Variants in ONECUT3 observed in about 807,000 individuals in gnomAD.
ONECUT3 encodes one cut homeobox 3, also known as one cut domain family member 3.
Under a neutral mutation model 16.8 loss-of-function variants are expected in ONECUT3, and 11 were observed. The observed-to-expected ratio is 0.66, with a 90% CI of 0.41 to 1.09. The LOEUF is 1.09. Ranked by LOEUF, ONECUT3 falls within the 50% of genes least tolerant of loss-of-function variation. The pLI is 0.00. For missense variants in ONECUT3, 637 were observed against 629.9 expected (o/e 1.01, Z -0.12); for synonymous variants, 344 against 310.7 (o/e 1.11, Z -1.13).
At position 1,778,851 on chromosome 19, in the gene ONECUT3, T is replaced by A. The variant is rs548610959; in HGVS notation, c.*3406T>A. The stretch of plus-strand genomic sequence containing the variant: ...GTGGCCCAGGACTCCTGGATCCTTT[T>A]CAGATATCTTCGTATCACACACACA... On this transcript the variant is annotated 3_prime_UTR_variant, in exon 2 of 2. Coordinates refer to ENST00000382349, the MANE Select transcript of ONECUT3 (RefSeq NM_001080488.2). The A allele has an allele frequency of 6.9e-6, 1 of 145,526 alleles. No individual in the cohort carries two copies. Among genetic ancestry groups the A allele is most frequent in the East Asian group, 2.0e-4 (1 of 4,926 alleles). The allele number at this position is 145,526 out of a possible 1,614,324, so 9.0% of individuals were successfully genotyped here.
At chr19:1,769,185 A>C (rs1440242093) in intron 1 of ONECUT3, among the ~76,000 whole-genome samples, 1 of 141,850 alleles carries the variant, frequency 7.0e-6, no homozygotes, top group Admixed American at 7.0e-5. Context: ...CTGGAGGTGG[A>C]GGTGATGGAG....
At position 1,778,015 on chromosome 19, in the gene ONECUT3, A is replaced by AAAAAAAAAAC. The variant is rs1555801681; in HGVS notation, c.*2573_*2574insAAAAAACAAA. 2 of 144,770 alleles carry AAAAAAAAAAC rather than the reference A, an allele frequency of 1.4e-5. No individual in the cohort carries two copies. The highest frequency in any genetic ancestry group is 2.2e-4 in the South Asian group (1 of 4,498). The allele number at this position is 144,770 out of a possible 1,614,324, so 9.0% of individuals were successfully genotyped here. On this transcript the variant is annotated 3_prime_UTR_variant, in exon 2 of 2. Coordinates refer to ENST00000382349, the MANE Select transcript of ONECUT3 (RefSeq NM_001080488.2). ...CCTCTCAAAAAAAAAAAAAAAAAAA[A>AAAAAAAAAAC]AAACTTTAGGTCCAAGAAGATGCAC...
Position 1,753,811 on chromosome 19 carries a change from T to C in ONECUT3, c.149T>C (p.Met50Thr), listed in dbSNP as rs2067901167. The C allele has an allele frequency of 2.1e-6, 2 of 961,318 alleles. No homozygotes were observed. Among genetic ancestry groups the C allele is most frequent in the African/African-American group, 3.6e-5 (2 of 54,878 alleles). The allele number at this position is 961,318 out of a possible 1,614,324, so 59.5% of individuals were successfully genotyped here. The change falls in exon 1 of 2, where the codon ATG becomes ACG. Residue 50 changes from methionine to threonine, a missense_variant. By Grantham distance (81) the Met-to-Thr change is moderately conservative. Around this residue, in one of 3 missense-constraint regions of ONECUT3, gnomAD observed 419 missense variants for 377.9 expected, o/e 1.11. Coordinates refer to ENST00000382349, the MANE Select transcript of ONECUT3 (RefSeq NM_001080488.2). ...APGRPGLVAG[M>T]ASLLDGGGGG... ...GGGCGCCCGGGCCTGGTGGCCGGCATGGCGAGCCTGCTGGACGGCGGCGGC... is the reference window on the plus strand; with the variant it reads ...GGGCGCCCGGGCCTGGTGGCCGGCACGGCGAGCCTGCTGGACGGCGGCGGC...
intron 1 of ONECUT3, among the ~76,000 whole-genome samples, chr19:1,774,378 C>T (rs2068084898): frequency 1.3e-5 from 2 of 150,724 alleles, no homozygotes; most frequent in Non-Finnish European, 2.9e-5. Context: ...GCCAGGCGTT[C>T]GAGACCAGCC....
At chr19:1,775,132 C>CCCCCCCCCCCCCCCG in intron 1 of ONECUT3, 21 bp from the exon 2 acceptor site, 1 of 1,269,082 alleles carries the variant, frequency 7.9e-7, no homozygotes, top group Non-Finnish European at 1.1e-6. Flanking sequence ...GCTCGCCCGC[C>CCCCCCCCCCCCCCCG]CGCCCGCCGC....
Position 1,755,243 on chromosome 19 carries a change from C to T in ONECUT3, c.1192+389C>T, listed in dbSNP as rs1458643965. 6.6e-6 allele frequency among the ~76,000 whole-genome samples: 1 copy of T among 151,762 alleles called. No homozygotes were observed. Among genetic ancestry groups the T allele is most frequent in the South Asian group, 2.1e-4 (1 of 4,814 alleles). On this transcript the variant is annotated intron_variant, in intron 1 of 1. Transcript: ENST00000382349. The surrounding 1 kb of genome is among the most constrained non-coding windows in gnomAD (Gnocchi z 7.5). ...TGTTGGGGGGAGCTGTGTCCCCGAA[C>T]GAGCTGCTGTTGTCGGCTAAGGTGC...
Position 1,758,273 on chromosome 19 carries a change from G to A in ONECUT3, c.1192+3419G>A, listed in dbSNP as rs151010145. Among the ~76,000 whole-genome samples, 2 of 147,170 alleles carry A rather than the reference G, an allele frequency of 1.4e-5. No homozygotes were observed. The highest frequency in any genetic ancestry group is 5.1e-5 in the African/African-American group (2 of 39,452). On this transcript the variant is annotated intron_variant, in intron 1 of 1. Coordinates refer to ENST00000382349, the MANE Select transcript of ONECUT3 (RefSeq NM_001080488.2). This position sits in a 1 kb window ranked among gnomAD's most constrained non-coding sequence, Gnocchi z 5.9. ...AGCCCAGAAAGGAACAGAGGTGAAG[G>A]AGAGACGAAAAGAGAGGCAGAGAGA...
Position 1,753,566 on chromosome 19 carries a change from C to A in ONECUT3, c.-97C>A. ...CGTGCGCCGCGCAGCCTGGCAGCCT[C>A]GCGCGCAGCCACCGGGGAGCGGGCG... On this transcript the variant is annotated 5_prime_UTR_variant, in exon 1 of 2. Coordinates refer to ENST00000382349, the MANE Select transcript of ONECUT3 (RefSeq NM_001080488.2). 1 of 372,508 alleles carries A rather than the reference C, an allele frequency of 2.7e-6. No individual in the cohort carries two copies. Among genetic ancestry groups the A allele is most frequent in the Non-Finnish European group, 3.8e-6 (1 of 265,028 alleles). The allele number at this position is 372,508 out of a possible 1,614,324, so 23.1% of individuals were successfully genotyped here.
intron 1 of ONECUT3, among the ~76,000 whole-genome samples, chr19:1,773,587 C>T (rs529963311): frequency 2.6e-5 from 4 of 152,292 alleles, no homozygotes; most frequent in Admixed American, 1.3e-4. Context: ...TAGGCCACGA[C>T]GGCTGGCACA....
At position 1,754,404 on chromosome 19, in the gene ONECUT3, C is replaced by T; in HGVS notation, c.742C>T (p.His248Tyr). The change falls in exon 1 of 2, where the codon CAC becomes TAC. Residue 248 changes from histidine to tyrosine, a missense_variant. His to Tyr is a moderately conservative substitution (Grantham distance 83, BLOSUM62 2). This residue lies in a region of ONECUT3 where 419 missense variants were observed against 377.9 expected (regional missense o/e 1.11). Coordinates refer to ENST00000382349, the MANE Select transcript of ONECUT3 (RefSeq NM_001080488.2). This position sits in a 1 kb window ranked among gnomAD's most constrained non-coding sequence, Gnocchi z 7.4. ...KLLPPAAFEP[H>Y]AALLGRAEDA... ...GCTGCCGCCCGCCGCCTTCGAGCCG[C>T]ACGCCGCGCTGCTGGGACGCGCGGA... 1 of 1,085,752 alleles carries T rather than the reference C, an allele frequency of 9.2e-7. No individual in the cohort carries two copies. Among genetic ancestry groups the T allele is most frequent in the Non-Finnish European group, 1.1e-6 (1 of 887,642 alleles). The allele number at this position is 1,085,752 out of a possible 1,614,324, so 67.3% of individuals were successfully genotyped here.
At position 1,762,999 on chromosome 19, in the gene ONECUT3, C is replaced by T. The variant is rs1170231129; in HGVS notation, c.1192+8145C>T. On this transcript the variant is annotated intron_variant, in intron 1 of 1. Coordinates refer to ENST00000382349, the MANE Select transcript of ONECUT3 (RefSeq NM_001080488.2). The surrounding 1 kb of genome is among the most constrained non-coding windows in gnomAD (Gnocchi z 4.4). ...CTTTGGGAGGCCAAGGCAAGAGGAT[C>T]TCTTGAGGCCAGGAGTTCCAGACCA... Among the ~76,000 whole-genome samples, 2 of 152,272 alleles carry T rather than the reference C, an allele frequency of 1.3e-5. No individual in the cohort carries two copies. Among genetic ancestry groups the T allele is most frequent in the East Asian group, 3.9e-4 (2 of 5,178 alleles).
Position 1,758,318 on chromosome 19 carries a change from AGAGAGAGAG to A in ONECUT3, c.1192+3465_1192+3473del, listed in dbSNP as rs1568592934. ...GAGAGACCAAAAAAAAAAAAAAAAG[AGAGAGAGAG>A]AGAGAGAGACAGAGATGGGAGAGGA... On this transcript the variant is annotated intron_variant, in intron 1 of 1. Coordinates refer to ENST00000382349, the MANE Select transcript of ONECUT3 (RefSeq NM_001080488.2). The surrounding 1 kb of genome is among the most constrained non-coding windows in gnomAD (Gnocchi z 5.9). 1.1e-3 allele frequency among the ~76,000 whole-genome samples: 55 copies of A among 48,918 alleles called. No homozygotes were observed. The highest frequency in any genetic ancestry group is 3.2e-3 in the African/African-American group (53 of 16,744). 32.1% of individuals were successfully genotyped at this position (48,918 alleles called of 152,430 possible). A position where few individuals can be genotyped will look rare whatever the true frequency, so the allele number is the denominator to read the frequency against.
Position 1,759,942 on chromosome 19 carries a change from C to T in ONECUT3, c.1192+5088C>T, listed in dbSNP as rs554440601. On this transcript the variant is annotated intron_variant, in intron 1 of 1. Coordinates refer to ENST00000382349, the MANE Select transcript of ONECUT3 (RefSeq NM_001080488.2). This position sits in a 1 kb window ranked among gnomAD's most constrained non-coding sequence, Gnocchi z 4.1. ...GACTCTGGTGCCCCCACACCAGCAC[C>T]CTCCCACAAAACTTCAGGGCCCGGG... Among the ~76,000 whole-genome samples, 1 of 152,238 alleles carries T rather than the reference C, an allele frequency of 6.6e-6. No homozygotes were observed. The highest frequency in any genetic ancestry group is 2.1e-4 in the South Asian group (1 of 4,820).
intron 1 of ONECUT3, among the ~76,000 whole-genome samples, chr19:1,767,441 A>C (rs976490609): frequency 6.6e-6 from 1 of 151,638 alleles, no homozygotes; most frequent in Non-Finnish European, 1.5e-5. Flanking sequence ...TGTCCCCAGC[A>C]ACTTTTAGAA....
chr19:1,776,684 C>G lies in ONECUT3; in HGVS notation c.*1239C>G, dbSNP rs2068111697. On this transcript the variant is annotated 3_prime_UTR_variant, in exon 2 of 2. Transcript: ENST00000382349. This position sits in a 1 kb window ranked among gnomAD's most constrained non-coding sequence, Gnocchi z 4.9. ...GGTCTGGGTGACCTCCGAGACTGGC[C>G]GGCCGCGGGATCCCAGGAGCCCGCC... 1 of 150,608 alleles carries G rather than the reference C, an allele frequency of 6.6e-6. No homozygotes were observed. Among genetic ancestry groups the G allele is most frequent in the Admixed American group, 6.6e-5 (1 of 15,174 alleles). The allele number at this position is 150,608 out of a possible 1,614,324, so 9.3% of individuals were successfully genotyped here.
chr19:1,766,030 C>G lies in ONECUT3; in HGVS notation c.1193-9123C>G, dbSNP rs566412082. 1.3e-5 allele frequency among the ~76,000 whole-genome samples: 2 copies of G among 152,250 alleles called. No individual in the cohort carries two copies. Among genetic ancestry groups the G allele is most frequent in the African/African-American group, 4.8e-5 (2 of 41,464 alleles). On this transcript the variant is annotated intron_variant, in intron 1 of 1. Transcript: ENST00000382349. The surrounding 1 kb of genome is among the most constrained non-coding windows in gnomAD (Gnocchi z 4.0). Reference sequence around the variant, plus strand: ...AAGATCCGTTGCCTCATCCACCGCCCGTCCAAGGCCCCACAAGCTGATGCC... The same window carrying G: ...AAGATCCGTTGCCTCATCCACCGCCGGTCCAAGGCCCCACAAGCTGATGCC...
rs1464532998 is a variant in ONECUT3, at chr19:1,780,927, G to A, written c.*5482G>A. On this transcript the variant is annotated 3_prime_UTR_variant, in exon 2 of 2. Coordinates refer to ENST00000382349, the MANE Select transcript of ONECUT3 (RefSeq NM_001080488.2). ...TCCCCTCCCCTCCAGGGACAGGGGA[G>A]AGAAGCCCTTTTCCACCTTCACCCT... 6.9e-6 allele frequency: 1 copy of A among 145,636 alleles called. No homozygotes were observed. Among genetic ancestry groups the A allele is most frequent in the East Asian group, 2.0e-4 (1 of 4,978 alleles). 9.0% of individuals were successfully genotyped at this position (145,636 alleles called of 1,614,324 possible).
At chr19:1,770,036 C>G (rs945846941) in intron 1 of ONECUT3, among the ~76,000 whole-genome samples, 2 of 152,052 alleles carry the variant, frequency 1.3e-5, no homozygotes, top group Non-Finnish European at 2.9e-5. Context: ...GCTGGGCAAG[C>G]CTGAGGGGTG....
At position 1,754,158 on chromosome 19, in the gene ONECUT3, G is replaced by C. The variant is rs907629064; in HGVS notation, c.496G>C (p.Gly166Arg). 1.9e-5 allele frequency: 20 copies of C among 1,073,606 alleles called. No homozygotes were observed. In the African/African-American group the frequency reaches 3.1e-4, roughly 17 times the overall value. The allele number at this position is 1,073,606 out of a possible 1,614,324, so 66.5% of individuals were successfully genotyped here. A position where few individuals can be genotyped will look rare whatever the true frequency, so the allele number is the denominator to read the frequency against. ...GCAGCGTCTGGCGGCCAGCGTGAGC[G>C]GCAGCTTCACCCTCATGCGCGACGA... ...PPQRLAASVSGSFTLMRDERA... is the reference protein window; with the variant it reads ...PPQRLAASVSRSFTLMRDERA... The change falls in exon 1 of 2, where the codon GGC (glycine) becomes CGC (arginine). Residue 166 changes from glycine (G) to arginine (R), a missense_variant. Physicochemically the swap from Gly to Arg is moderately radical, Grantham distance 125. Coordinates refer to ENST00000382349, the MANE Select transcript of ONECUT3 (RefSeq NM_001080488.2). This position sits in a 1 kb window ranked among gnomAD's most constrained non-coding sequence, Gnocchi z 7.4.
Sources: gnomAD v4.1 joint callset for allele counts (sites outside exome capture counted in the v4.1 genomes callset) on GRCh38, gnomAD v4.1.1 for gene constraint, gnomAD v4.1.1 regional missense constraint, Gnocchi (gnomAD v3.1) non-coding constraint, MANE v1.5 for transcripts, NCBI Gene and HGNC (gene_info 2026-07-23, HGNC 2026-07-21) for gene names.